Variants in SYNRG observed in about 807,000 individuals in gnomAD.
SYNRG encodes the protein synergin gamma, also known as AP1 gamma subunit binding protein 1.
In SYNRG, 37 loss-of-function variants were observed where a neutral mutation model predicts 130.9. That is an observed-to-expected ratio of 0.28 (90% CI 0.22 to 0.37). The LOEUF is 0.37. SYNRG is among the 10% of genes least tolerant of loss of function. The probability of loss-of-function intolerance (pLI) is 1.00; values close to 1 mark genes in which losing one functional copy is unlikely to be tolerated. For missense variants in SYNRG, 1,338 were observed against 1,588.9 expected, an observed-to-expected ratio of 0.84 and a Z score of 2.68; for synonymous variants, 539 against 568.1, an observed-to-expected ratio of 0.95 and a Z score of 0.73.
intron 7 of SYNRG, 121 bp downstream of exon 7, chr17:37,577,259 T>C: frequency 1.1e-6 from 1 of 892,456 alleles, no homozygotes; most frequent in Non-Finnish European, 1.8e-6. Context: ...TAAATATATT[T>C]CAAGCAAAAT....
intron 19 of SYNRG, among the ~76,000 whole-genome samples, chr17:37,524,516 C>CA (rs1201908983): frequency 2.0e-5 from 3 of 152,228 alleles, no homozygotes; most frequent in Non-Finnish European, 2.9e-5. Flanking sequence ...CAACTGTGTG[C>CA]AAAAGGACTC....
intron 19 of SYNRG, among the ~76,000 whole-genome samples, chr17:37,526,503 G>C (rs988928612): frequency 6.6e-6 from 1 of 152,194 alleles, no homozygotes; most frequent in Non-Finnish European, 1.5e-5. Context: ...CTGTAACAAA[G>C]CACAAACTTA....
intron 13 of SYNRG, among the ~76,000 whole-genome samples, chr17:37,560,531 G>T (rs901011294): frequency 3.3e-5 from 5 of 151,840 alleles, no homozygotes. Flanking sequence ...TAGCGATGGG[G>T]TCTTACCATG....
chr17:37,531,146 T>A (rs2056592053), intron 19 of SYNRG, among the ~76,000 whole-genome samples: 1 of 152,064 alleles, frequency 6.6e-6, no homozygotes, highest in Non-Finnish European at 1.5e-5. Flanking sequence ...GATGGAAGGA[T>A]CACTTGAGCC....
At chr17:37,593,841 G>GC (rs1273414482) in intron 3 of SYNRG, among the ~76,000 whole-genome samples, 1 of 146,208 alleles carries the variant, frequency 6.8e-6, no homozygotes, top group Non-Finnish European at 1.5e-5. Flanking sequence ...CCGAGATCGT[G>GC]CCATTGCACT....
chr17:37,561,732 C>T (rs2059548451), intron 11 of SYNRG, 143 bp from the exon 12 acceptor site: 9 of 471,998 alleles, frequency 1.9e-5, no homozygotes, highest in Middle Eastern at 5.2e-4. Context: ...ATATAGTATA[C>T]ATATATACCA....
At chr17:37,570,515 CAACCT>C in intron 10 of SYNRG, 117 bp downstream of exon 10, 1 of 1,310,272 alleles carries the variant, frequency 7.6e-7, no homozygotes. Flanking sequence ...CTGAAAGATA[CAACCT>C]AAGAATTTAA....
Position 37,553,695 on chromosome 17 carries a change from A to C in SYNRG, c.2028T>G (p.Phe676Leu). ...CAGGTGCTAGACCAGAATATTCCCC[A>C]AAAAGGCTGAATTCTCCAAAATCAT... is the stretch of plus-strand genomic sequence containing the variant. ...LADDFGEFSL[F>L]GEYSGLAPVG... The change falls in exon 14 of 22, where the codon TTT becomes TTG. Residue 676 changes from phenylalanine to leucine, a missense_variant. This residue lies in a region of SYNRG where 1,146 missense variants were observed against 1,342.3 expected (regional missense o/e 0.85). Coordinates refer to ENST00000612223, the MANE Select transcript of SYNRG (RefSeq NM_007247.6). 6.2e-7 allele frequency: 1 copy of C among 1,613,666 alleles called. No homozygotes were observed. The highest frequency in any genetic ancestry group is 8.5e-7 in the Non-Finnish European group (1 of 1,179,928).
chr17:37,564,684 G>A (rs1239040620), intron 11 of SYNRG, among the ~76,000 whole-genome samples: 6 of 152,136 alleles, frequency 3.9e-5, no homozygotes, highest in Admixed American at 2.6e-4. Context: ...CCTAGGCTTA[G>A]CTATTCACAC....
At chr17:37,566,910 T>G (rs1287189034) in intron 11 of SYNRG, 2 of 152,172 alleles carry the variant, frequency 1.3e-5, no homozygotes, top group East Asian at 1.9e-4. Flanking sequence ...TATATAAACA[T>G]GAATAATTGT....
At chr17:37,533,222 G>A (rs1271686271) in intron 19 of SYNRG, among the ~76,000 whole-genome samples, 3 of 152,080 alleles carry the variant, frequency 2.0e-5, no homozygotes, top group Non-Finnish European at 2.9e-5. Context: ...CCAAAATGGC[G>A]AGACCCCGTC....
chr17:37,606,032 G>T (rs951684892), intron 1 of SYNRG: 2 of 982,506 alleles, frequency 2.0e-6, no homozygotes, highest in Non-Finnish European at 2.4e-6. Flanking sequence ...TGGTCCTTTA[G>T]CAAGACGCAC....
chr17:37,594,271 AATATTAATT>A (rs1568520101), intron 3 of SYNRG, among the ~76,000 whole-genome samples: 1 of 143,460 alleles, frequency 7.0e-6, no homozygotes, highest in Non-Finnish European at 1.5e-5. Flanking sequence ...TAATTACAAT[AATATTAATT>A]TTAATTATAT....
At chr17:37,565,613 G>A (rs1270879083) in intron 11 of SYNRG, among the ~76,000 whole-genome samples, 6 of 151,464 alleles carry the variant, frequency 4.0e-5, no homozygotes, top group South Asian at 2.1e-4. Flanking sequence ...GCCTCTTCCC[G>A]GCTGCCATCA....
intron 6 of SYNRG, among the ~76,000 whole-genome samples, chr17:37,580,508 T>TGAGAGAGAGAGAGAGAGAGA (rs1470548930): frequency 7.5e-6 from 1 of 133,700 alleles, no homozygotes; most frequent in African/African-American, 3.2e-5. Flanking sequence ...TGTGTGTGTG[T>TGAGAGAGAGAGAGAGAGAGA]GTGAGAGAGA....
intron 17 of SYNRG, 151 bp downstream of exon 17, chr17:37,539,041 G>C: frequency 6.9e-7 from 1 of 1,450,938 alleles, no homozygotes; most frequent in Non-Finnish European, 9.0e-7. Context: ...CCTCACCTTA[G>C]ATGCATGACT....
rs575661217 is a variant in SYNRG, at chr17:37,572,900, T to C, written c.902-913A>G. On this transcript the variant is annotated intron_variant, in intron 8 of 21. Coordinates refer to ENST00000612223, the MANE Select transcript of SYNRG (RefSeq NM_007247.6). ...TAAAATAAAGAATGCCAATATTGCATGGGACATACTTATACTAAAAAATTA... is the reference window on the plus strand; with the variant it reads ...TAAAATAAAGAATGCCAATATTGCACGGGACATACTTATACTAAAAAATTA... 2.6e-5 allele frequency among the ~76,000 whole-genome samples: 4 copies of C among 152,330 alleles called. No individual in the cohort carries two copies. In the East Asian group the frequency reaches 7.7e-4, roughly 29 times the overall value.
At chr17:37,586,378 T>C (rs2061689601) in intron 4 of SYNRG, 41 bp downstream of exon 4, 2 of 1,611,102 alleles carry the variant, frequency 1.2e-6, no homozygotes, top group Non-Finnish European at 1.7e-6. Context: ...ATAGATGCTA[T>C]AATGTATCTT....
chr17:37,538,459 A>C lies in SYNRG; in HGVS notation c.3421-39T>G. The C allele has an allele frequency of 3.5e-6, 5 of 1,437,716 alleles. No homozygotes were observed. In the East Asian group the frequency reaches 1.2e-4, roughly 34 times the overall value. The allele number at this position is 1,437,716 out of a possible 1,614,324, so 89.1% of individuals were successfully genotyped here. A position where few individuals can be genotyped will look rare whatever the true frequency, so the allele number is the denominator to read the frequency against. On this transcript the variant is annotated intron_variant, in intron 17 of 21. Transcript: ENST00000612223. Reference sequence around the variant, plus strand: ...AATCACATCACCTTACATAACTGAGAAAAGTCATTGCAAATCAATTTACTA... The same window carrying C: ...AATCACATCACCTTACATAACTGAGCAAAGTCATTGCAAATCAATTTACTA...
Sources: allele counts gnomAD v4.1 joint callset (sites outside exome capture counted in the v4.1 genomes callset), GRCh38; gene constraint gnomAD v4.1.1; regional missense constraint gnomAD v4.1.1; transcripts MANE v1.5; gene names NCBI Gene and HGNC (gene_info 2026-07-23, HGNC 2026-07-21).